The following KLHL8 variants were observed in gnomAD, a reference collection of about 807,000 sequenced individuals.
KLHL8 encodes kelch like family member 8.
KLHL8 carries 38 observed loss-of-function variants against 63.5 expected under a neutral mutation model. The observed-to-expected ratio is 0.60, with a 90% confidence interval of 0.46 to 0.78. KLHL8 has a LOEUF of 0.78. KLHL8 is among the 30% of genes least tolerant of loss of function. The pLI is 0.00. For missense variants in KLHL8, 566 were observed against 752.4 expected, an observed-to-expected ratio of 0.75 and a Z score of 2.90; for synonymous variants, 224 against 254.3, an observed-to-expected ratio of 0.88 and a Z score of 1.13.
intron 2 of KLHL8, among the ~76,000 whole-genome samples, chr4:87,188,685 A>C (rs138863046): frequency 6.6e-6 from 1 of 152,308 alleles, no homozygotes; most frequent in East Asian, 1.9e-4. Context: ...TACATTCCTG[A>C]AAGTTTATTT....
intron 1 of KLHL8, among the ~76,000 whole-genome samples, chr4:87,219,000 G>C (rs1732712722): frequency 6.6e-6 from 1 of 152,192 alleles, no homozygotes; most frequent in African/African-American, 2.4e-5. Context: ...ATCTCCCAAA[G>C]TGCTGGGATT....
At chr4:87,192,795 A>G (rs1229890029) in intron 2 of KLHL8, among the ~76,000 whole-genome samples, 15 of 152,224 alleles carry the variant, frequency 9.9e-5, no homozygotes, top group Admixed American at 9.8e-4. Context: ...ACAAACCTGC[A>G]TGGCTTATTA....
chr4:87,201,721 G>C (rs1325936549), intron 1 of KLHL8, among the ~76,000 whole-genome samples: 1 of 152,080 alleles, frequency 6.6e-6, no homozygotes, highest in Non-Finnish European at 1.5e-5. Flanking sequence ...AAGTAATAAA[G>C]ACAACAGAAA....
chr4:87,211,518 A>C (rs1407495903), intron 1 of KLHL8, among the ~76,000 whole-genome samples: 1 of 152,198 alleles, frequency 6.6e-6, no homozygotes, highest in Admixed American at 6.5e-5. Context: ...TTGGCCAGGC[A>C]CAGTGGCTCA....
chr4:87,166,368 A>G (rs1038921042), intron 8 of KLHL8, among the ~76,000 whole-genome samples: 1 of 152,254 alleles, frequency 6.6e-6, no homozygotes, highest in African/African-American at 2.4e-5. Flanking sequence ...AATTTACATC[A>G]ACATATATAA....
At chr4:87,185,864 CAT>C (rs1731234810) in intron 2 of KLHL8, 65 bp from the exon 3 acceptor site, 6 of 1,369,216 alleles carry the variant, frequency 4.4e-6, no homozygotes, top group African/African-American at 2.9e-5. Flanking sequence ...CAGCATTTAA[CAT>C]GTGTTTGTAG....
intron 2 of KLHL8, among the ~76,000 whole-genome samples, chr4:87,191,298 CT>C: frequency 6.6e-6 from 1 of 152,152 alleles, no homozygotes; most frequent in African/African-American, 2.4e-5. Context: ...GCCAAACCCC[CT>C]CTCTACAAAA....
chr4:87,205,606 G>C (rs948987649), intron 1 of KLHL8, among the ~76,000 whole-genome samples: 10 of 152,094 alleles, frequency 6.6e-5, no homozygotes, highest in African/African-American at 2.4e-4. Flanking sequence ...TGGAACTATA[G>C]GCGTGCACCA....
At chr4:87,189,455 ATTAATAAAAAC>A (rs1004841945) in intron 2 of KLHL8, among the ~76,000 whole-genome samples, 1 of 152,342 alleles carries the variant, frequency 6.6e-6, no homozygotes, top group Admixed American at 6.5e-5. Flanking sequence ...AATACCAACT[ATTAATAAAAAC>A]TTTGAGTAAT....
intron 1 of KLHL8, among the ~76,000 whole-genome samples, chr4:87,210,313 T>TA (rs912734180): frequency 7.8e-4 from 118 of 151,774 alleles, no homozygotes; most frequent in Admixed American, 4.2e-3. Context: ...CCGTCTCTAC[T>TA]AAAAAAAACA....
chr4:87,167,894 C>T (rs1181294637), intron 8 of KLHL8, among the ~76,000 whole-genome samples: 1 of 152,096 alleles, frequency 6.6e-6, no homozygotes, highest in African/African-American at 2.4e-5. Flanking sequence ...ACCAGGTTGC[C>T]CAGAAATGGC....
At position 87,195,365 on chromosome 4, in the gene KLHL8, G is replaced by T; in HGVS notation, c.175C>A (p.Arg59=). 6.2e-7 allele frequency: 1 copy of T among 1,612,904 alleles called. No individual in the cohort carries two copies. The highest frequency in any genetic ancestry group is 8.5e-7 in the Non-Finnish European group (1 of 1,179,868). ...CAGAGTTCTCCATTTTCATAAAATCGAAGAAGAGAACCATGAAAATCTTTC... is the reference window on the plus strand; with the variant it reads ...CAGAGTTCTCCATTTTCATAAAATCTAAGAAGAGAACCATGAAAATCTTTC... The part of the protein sequence containing the change: ...AWKDFHGSLL[R]FYENGELCDV... Residue 59 remains arginine, a synonymous_variant, in exon 2 of 10, where the codon CGA becomes AGA. Coordinates refer to ENST00000273963, the MANE Select transcript of KLHL8 (RefSeq NM_020803.5).
chr4:87,182,515 A>G (rs574393284), intron 4 of KLHL8, among the ~76,000 whole-genome samples: 1 of 152,196 alleles, frequency 6.6e-6, no homozygotes, highest in African/African-American at 2.4e-5. Flanking sequence ...CTCTTCCTAA[A>G]TTTCTGAACC....
At chr4:87,189,456 T>C (rs971335903) in intron 2 of KLHL8, among the ~76,000 whole-genome samples, 3 of 152,286 alleles carry the variant, frequency 2.0e-5, no homozygotes, top group African/African-American at 7.2e-5. Context: ...ATACCAACTA[T>C]TAATAAAAAC....
chr4:87,181,651 A>G (rs1259142028), intron 4 of KLHL8, among the ~76,000 whole-genome samples: 1 of 152,002 alleles, frequency 6.6e-6, no homozygotes, highest in Non-Finnish European at 1.5e-5. Flanking sequence ...TTTCTCTACT[A>G]TTTCTATGTG....
In KLHL8 at chr4:87,185,301, G is replaced by A; in HGVS notation, c.715C>T (p.Leu239Phe). Residue 239 changes from leucine (L) to phenylalanine (F), a missense_variant, in exon 3 of 10, where the codon CTT becomes TTT. Transcript: ENST00000273963. The part of the protein sequence containing the change: ...QVYNAAIKWL[L>F]ANPQHHSKWL... ...TTGGAATGATGCTGAGGATTGGCAA[G>A]AAGCCACTTGATGGCAGCATTATAG... The A allele has an allele frequency of 6.2e-7, 1 of 1,614,092 alleles. No homozygotes were observed. The highest frequency in any genetic ancestry group is 8.5e-7 in the Non-Finnish European group (1 of 1,179,986).
At chr4:87,231,509 C>T (rs1560725537) in intron 1 of KLHL8, among the ~76,000 whole-genome samples, 1 of 151,906 alleles carries the variant, frequency 6.6e-6, no homozygotes, top group South Asian at 2.1e-4. Flanking sequence ...TAATGTTCAC[C>T]CCACCTGTGA....
At chr4:87,216,595 A>G (rs1163713354) in intron 1 of KLHL8, among the ~76,000 whole-genome samples, 1 of 152,232 alleles carries the variant, frequency 6.6e-6, no homozygotes, top group Non-Finnish European at 1.5e-5. Flanking sequence ...TCACGCTAAC[A>G]GATTCAGGTT....
intron 8 of KLHL8, chr4:87,167,197 A>G: frequency 1.9e-6 from 1 of 536,286 alleles, no homozygotes; most frequent in South Asian, 1.6e-5. Flanking sequence ...CCACCCCCAC[A>G]CTAAGTCTTC....
Sources: allele counts gnomAD v4.1 joint callset (sites outside exome capture counted in the v4.1 genomes callset), GRCh38; gene constraint gnomAD v4.1.1; transcripts MANE v1.5; gene names NCBI Gene and HGNC (gene_info 2026-07-23, HGNC 2026-07-21).